Variants in ERC1 observed in about 807,000 individuals in gnomAD.
The protein encoded by ERC1 is RAB6 interacting protein 2.
ERC1 carries 56 observed loss-of-function variants against 132.0 expected under a neutral mutation model. The ratio of observed to expected loss-of-function variants is 0.42; its 90% CI spans 0.34 to 0.53. ERC1 has a LOEUF of 0.53. Among genes scored for constraint, ERC1 ranks in the 20% least tolerant of loss-of-function variants. ERC1 has a pLI of 0.03. For missense variants in ERC1, 1,202 were observed against 1,349.9 expected (o/e 0.89, Z 1.72); for synonymous variants, 478 against 476.1 (o/e 1.00, Z -0.05).
chr12:1,216,737 A>G (rs1958465746), intron 12 of ERC1, among the ~76,000 whole-genome samples: 2 of 152,144 alleles, frequency 1.3e-5, no homozygotes, highest in Admixed American at 6.5e-5. Flanking sequence ...CTAGTACGTT[A>G]CTTTTCCAGA....
At chr12:1,439,435 G>A (rs1251174778) in intron 17 of ERC1, among the ~76,000 whole-genome samples, 1 of 152,182 alleles carries the variant, frequency 6.6e-6, no homozygotes, top group Non-Finnish European at 1.5e-5. Flanking sequence ...GCCTGTTTGA[G>A]AATCTAATAC....
intron 15 of ERC1, among the ~76,000 whole-genome samples, chr12:1,335,166 T>C (rs2083208125): frequency 6.6e-6 from 1 of 152,200 alleles, no homozygotes. Flanking sequence ...GATTGTGTCA[T>C]CTGCAAACAG....
rs532779931 is a variant in ERC1 at position 1,251,201 on chromosome 12, A to G, written c.2488-11833A>G. ...GGATAATTATTTAAGAAAGCCTTTT[A>G]TAAACATTAAGATTGACATCTTTTT... On this transcript the variant is annotated intron_variant, in intron 13 of 18. Transcript: ENST00000360905. Among the ~76,000 whole-genome samples, 5 of 152,232 alleles carry G rather than the reference A, an allele frequency of 3.3e-5. No homozygotes were observed. The South Asian group carries it at 1.0e-3, about 32-fold the overall frequency.
At chr12:1,077,503 C>A (rs1248891865) in intron 2 of ERC1, among the ~76,000 whole-genome samples, 1 of 152,190 alleles carries the variant, frequency 6.6e-6, no homozygotes, top group Non-Finnish European at 1.5e-5. Context: ...CCTACCATTT[C>A]ATTGAGATAT....
At chr12:1,389,000 G>A (rs1007336100) in intron 16 of ERC1, among the ~76,000 whole-genome samples, 1 of 152,156 alleles carries the variant, frequency 6.6e-6, no homozygotes, top group Non-Finnish European at 1.5e-5. Context: ...AGCTCTTTCA[G>A]TATGAGGCCT....
rs60550704 is a variant in ERC1, at chr12:1,352,490, A to T, written c.2781-19343A>T. On this transcript the variant is annotated intron_variant, in intron 15 of 18. Transcript: ENST00000360905. ...GTTTGAATGTCATCATGTATAGTTTATGTATTTATATATACTTACCTTTCT... is the reference window on the plus strand; with the variant it reads ...GTTTGAATGTCATCATGTATAGTTTTTGTATTTATATATACTTACCTTTCT... Among the ~76,000 whole-genome samples, 111 of 152,358 alleles carry T rather than the reference A, an allele frequency of 7.3e-4. 1 individual carries two copies. In the East Asian group the frequency reaches 0.021, roughly 29 times the overall value.
chr12:1,302,647 A>C (rs1327962730), intron 15 of ERC1, among the ~76,000 whole-genome samples: 2 of 152,200 alleles, frequency 1.3e-5, no homozygotes, highest in Non-Finnish European at 2.9e-5. Flanking sequence ...GAGTCACGCA[A>C]ATTTATTGGT....
chr12:1,389,266 C>T (rs1354366673), intron 16 of ERC1, among the ~76,000 whole-genome samples: 4 of 152,100 alleles, frequency 2.6e-5, no homozygotes, highest in East Asian at 1.9e-4. Flanking sequence ...TCAAGAAAGC[C>T]GTTGGCTGGA....
At chr12:1,068,961 G>A (rs1045025866) in intron 2 of ERC1, among the ~76,000 whole-genome samples, 3 of 151,690 alleles carry the variant, frequency 2.0e-5, no homozygotes, top group Non-Finnish European at 4.4e-5. Context: ...TTTGGCGAAT[G>A]GTTGTTTGTT....
chr12:1,445,595 A>G (rs111803834), intron 18 of ERC1, among the ~76,000 whole-genome samples: 6,476 of 152,164 alleles, frequency 0.043, 456 homozygotes, highest in African/African-American at 0.15. Flanking sequence ...ACTTTCAGCA[A>G]CATCTTTCCA....
intron 12 of ERC1, among the ~76,000 whole-genome samples, chr12:1,228,746 T>G (rs2074796199): frequency 6.6e-6 from 1 of 152,242 alleles, no homozygotes. Flanking sequence ...CATGAAAGGA[T>G]ATTTAATTTT....
In ERC1 at chr12:1,274,425, C is replaced by T. The variant is rs115944670; in HGVS notation, c.2619+11260C>T. On this transcript the variant is annotated intron_variant, in intron 14 of 18. Coordinates refer to ENST00000360905, the MANE Select transcript of ERC1 (RefSeq NM_178040.4). ...TTTTATAAAAGTGTGTAACAGGGGA[C>T]CTTATTTAGAGTGAATGGTCAGGGA... Among the ~76,000 whole-genome samples, 717 of 152,024 alleles carry T rather than the reference C, an allele frequency of 4.7e-3. 2 individuals carry two copies. Among genetic ancestry groups the T allele is most frequent in the African/African-American group, 0.016 (670 of 41,468 alleles).
At chr12:1,315,775 G>A (rs1290116760) in intron 15 of ERC1, among the ~76,000 whole-genome samples, 3 of 152,160 alleles carry the variant, frequency 2.0e-5, no homozygotes, top group East Asian at 1.9e-4. Context: ...AGGTGGGACC[G>A]ATGGTATAAT....
chr12:1,202,590 G>A (rs957291093), intron 12 of ERC1, among the ~76,000 whole-genome samples: 1 of 152,140 alleles, frequency 6.6e-6, no homozygotes, highest in Admixed American at 6.5e-5. Flanking sequence ...CTGGGAAGTA[G>A]AGTTTGCAGT....
chr12:1,167,936 G>C (rs1408226410), intron 8 of ERC1, among the ~76,000 whole-genome samples: 1 of 151,908 alleles, frequency 6.6e-6, no homozygotes, highest in Middle Eastern at 3.4e-3. Flanking sequence ...GGATGCTCTC[G>C]ATCTCCTGAC....
At chr12:1,321,132 G>C (rs73034931) in intron 15 of ERC1, among the ~76,000 whole-genome samples, 5,269 of 152,280 alleles carry the variant, frequency 0.035, 98 homozygotes, top group Middle Eastern at 0.075. Context: ...GGAAAATGAG[G>C]TTTCAAGTTA....
intron 16 of ERC1, among the ~76,000 whole-genome samples, chr12:1,384,021 A>G (rs1182976647): frequency 6.6e-6 from 1 of 152,184 alleles, no homozygotes; most frequent in African/African-American, 2.4e-5. Context: ...ATCACTCCAG[A>G]GCTGACACTC....
chr12:1,125,322 TA>T (rs1566028664), intron 7 of ERC1, among the ~76,000 whole-genome samples: 1 of 151,990 alleles, frequency 6.6e-6, no homozygotes. Context: ...ATCAAATATT[TA>T]AAAATAGTCA....
chr12:1,433,978 C>CAAA (rs763612916), intron 17 of ERC1, among the ~76,000 whole-genome samples: 13 of 46,214 alleles, frequency 2.8e-4, no homozygotes, highest in East Asian at 7.4e-4. Context: ...GACCCTGTCT[C>CAAA]AAAAAAAAAA....
Sources: allele counts gnomAD v4.1 joint callset (sites outside exome capture counted in the v4.1 genomes callset), GRCh38; gene constraint gnomAD v4.1.1; transcripts MANE v1.5; gene names NCBI Gene and HGNC (gene_info 2026-07-23, HGNC 2026-07-21).